The following MBD2 variants were observed in gnomAD, a reference collection of about 807,000 sequenced individuals.
The protein encoded by MBD2 is methyl-CpG binding domain protein 2, also known as methyl-CpG-binding domain protein 2.
MBD2 carries 9 observed loss-of-function variants against 39.3 expected under a neutral mutation model. The ratio of observed to expected loss-of-function variants is 0.23; its 90% CI spans 0.14 to 0.40. MBD2 has a LOEUF of 0.40. Ranked by LOEUF, MBD2 falls within the 10% of genes least tolerant of loss-of-function variation. The pLI is 1.00. For missense variants in MBD2, 458 were observed against 532.6 expected, an observed-to-expected ratio of 0.86 and a Z score of 1.38; for synonymous variants, 233 against 211.1, an observed-to-expected ratio of 1.10 and a Z score of -0.90.
At chr18:54,211,601 C>T (rs2086508419) in intron 1 of MBD2, among the ~76,000 whole-genome samples, 1 of 152,148 alleles carries the variant, frequency 6.6e-6, no homozygotes, top group African/African-American at 2.4e-5. Context: ...TGTCTGATCA[C>T]TTCCTAAGTG....
intron 3 of MBD2, among the ~76,000 whole-genome samples, chr18:54,187,247 C>A (rs1409590231): frequency 1.3e-5 from 2 of 152,156 alleles, no homozygotes; most frequent in Non-Finnish European, 2.9e-5. Context: ...TAAATACTAT[C>A]TGATCTCATA....
chr18:54,214,547 T>C (rs777210695), intron 1 of MBD2, among the ~76,000 whole-genome samples: 1 of 152,110 alleles, frequency 6.6e-6, no homozygotes, highest in Non-Finnish European at 1.5e-5. Context: ...TAACCTAAGG[T>C]CTGCCCTAAT....
intron 1 of MBD2, among the ~76,000 whole-genome samples, chr18:54,220,493 A>C (rs1442998356): frequency 6.6e-6 from 1 of 152,216 alleles, no homozygotes; most frequent in Admixed American, 6.5e-5. Context: ...GATGAGCTTA[A>C]TTTCAGTCCA....
At position 54,224,409 on chromosome 18, in the gene MBD2, T is replaced by C. The variant is rs1453570602; in HGVS notation, c.151A>G (p.Arg51Gly). ...CGGCCGCCGCCCCGAGCGCCTTCCC[T>C]GCGCACGCCGCTCACCGGGGACGGG... Reference protein sequence around the residue: ...LAPSPVSGVRREGARGGGRGR... With the variant: ...LAPSPVSGVRGEGARGGGRGR... The change falls in exon 1 of 7, where the codon AGG becomes GGG. Residue 51 changes from arginine to glycine, a missense_variant. This residue lies in a region of MBD2 where 269 missense variants were observed against 236.0 expected (regional missense o/e 1.14). Coordinates refer to ENST00000256429, the MANE Select transcript of MBD2 (RefSeq NM_003927.5). The C allele has an allele frequency of 2.4e-6, 3 of 1,243,398 alleles. No homozygotes were observed. The highest frequency in any genetic ancestry group is 3.1e-5 in the South Asian group (1 of 32,310). The allele number at this position is 1,243,398 out of a possible 1,614,324, so 77.0% of individuals were successfully genotyped here.
chr18:54,155,375 A>G (rs924224719), intron 6 of MBD2, 64 bp from the exon 7 acceptor site: 2 of 152,106 alleles, frequency 1.3e-5, no homozygotes, highest in African/African-American at 2.4e-5. Flanking sequence ...GTGAGAGGTC[A>G]GCAATACTCA....
At chr18:54,223,764 C>T (rs2086634466) in intron 1 of MBD2, among the ~76,000 whole-genome samples, 1 of 152,180 alleles carries the variant, frequency 6.6e-6, no homozygotes, top group South Asian at 2.1e-4. Flanking sequence ...GCCAGGCTAA[C>T]CCTTTCTTCG....
chr18:54,188,293 T>C (rs1420383100), intron 3 of MBD2, among the ~76,000 whole-genome samples: 1 of 152,208 alleles, frequency 6.6e-6, no homozygotes, highest in Non-Finnish European at 1.5e-5. Flanking sequence ...GGGAGGCCTT[T>C]CAGGTAATGC....
chr18:54,182,817 G>A (rs542374852), intron 3 of MBD2, among the ~76,000 whole-genome samples: 10 of 151,954 alleles, frequency 6.6e-5, no homozygotes, highest in Middle Eastern at 3.4e-3. Context: ...CTGTGGTCCC[G>A]GCTACTCAGG....
chr18:54,185,298 A>T (rs1027311846), intron 3 of MBD2, among the ~76,000 whole-genome samples: 3 of 152,216 alleles, frequency 2.0e-5, no homozygotes, highest in Non-Finnish European at 2.9e-5. Context: ...CAAGTGGAAG[A>T]TTCAAATCTG....
intron 1 of MBD2, among the ~76,000 whole-genome samples, chr18:54,222,072 G>A (rs1204929286): frequency 6.6e-6 from 1 of 152,176 alleles, no homozygotes; most frequent in Non-Finnish European, 1.5e-5. Context: ...CACAGATACA[G>A]AATAATCTTG....
At chr18:54,199,367 C>G (rs959323364) in intron 2 of MBD2, among the ~76,000 whole-genome samples, 3 of 152,244 alleles carry the variant, frequency 2.0e-5, no homozygotes, top group African/African-American at 7.2e-5. Context: ...TCTCTTGATT[C>G]TCCTATTTAT....
At chr18:54,181,966 T>C (rs574936850) in intron 3 of MBD2, among the ~76,000 whole-genome samples, 1 of 152,326 alleles carries the variant, frequency 6.6e-6, no homozygotes, top group Admixed American at 6.5e-5. Flanking sequence ...GAAGACCACA[T>C]GCTCTCTCAC....
rs184380494 is a variant in MBD2 at position 54,157,827 on chromosome 18, G to A, written c.*12+1938C>T. Among the ~76,000 whole-genome samples, 16 of 152,120 alleles carry A rather than the reference G, an allele frequency of 1.1e-4. No homozygotes were observed. The East Asian group carries it at 2.9e-3, about 28-fold the overall frequency. On this transcript the variant is annotated intron_variant, in intron 6 of 6. Coordinates refer to ENST00000256429, the MANE Select transcript of MBD2 (RefSeq NM_003927.5). ...CAAGTGAAAACCCTGAGGCATCCTC[G>A]CCACTCTCTCACCCGCACTTCCAGG...
chr18:54,156,717 G>C (rs1022194338), intron 6 of MBD2, among the ~76,000 whole-genome samples: 1 of 152,086 alleles, frequency 6.6e-6, no homozygotes, highest in Admixed American at 6.5e-5. Context: ...ACTGGGCATG[G>C]TGTCAGGCAC....
chr18:54,192,472 C>G (rs1432613453), intron 2 of MBD2, among the ~76,000 whole-genome samples: 1 of 152,134 alleles, frequency 6.6e-6, no homozygotes, highest in Non-Finnish European at 1.5e-5. Flanking sequence ...ACCTTGTGAT[C>G]TGCCTGCCTC....
At chr18:54,199,919 T>C (rs1252413867) in intron 2 of MBD2, among the ~76,000 whole-genome samples, 2 of 152,108 alleles carry the variant, frequency 1.3e-5, no homozygotes, top group East Asian at 3.8e-4. Flanking sequence ...TACACAGAAA[T>C]TGCCACCAAG....
At chr18:54,173,257 C>T (rs1477200440) in intron 3 of MBD2, among the ~76,000 whole-genome samples, 4 of 152,114 alleles carry the variant, frequency 2.6e-5, no homozygotes, top group Non-Finnish European at 5.9e-5. Flanking sequence ...GTAAGCAGTA[C>T]TGGCTATATA....
rs1463787229 is a variant in MBD2 at position 54,191,895 on chromosome 18, C to G, written c.703-2884G>C. Among the ~76,000 whole-genome samples the G allele has an allele frequency of 3.3e-5, 5 of 152,222 alleles. No individual in the cohort carries two copies. In the East Asian group the frequency reaches 7.7e-4, roughly 24 times the overall value. ...ACAGTATTATTTCTCAGGTATTTAG[C>G]TTTATCTTTATGGATTTTCAAAAAA... On this transcript the variant is annotated intron_variant, in intron 2 of 6. Coordinates refer to ENST00000256429, the MANE Select transcript of MBD2 (RefSeq NM_003927.5).
chr18:54,212,081 T>TA (rs1231434320), intron 1 of MBD2, among the ~76,000 whole-genome samples: 1 of 152,080 alleles, frequency 6.6e-6, no homozygotes, highest in African/African-American at 2.4e-5. Flanking sequence ...GGCCTCCTCT[T>TA]AACCTTTCAA....
Sources: allele counts gnomAD v4.1 joint callset (sites outside exome capture counted in the v4.1 genomes callset), GRCh38; gene constraint gnomAD v4.1.1; regional missense constraint gnomAD v4.1.1; transcripts MANE v1.5; gene names NCBI Gene and HGNC (gene_info 2026-07-23, HGNC 2026-07-21).